The following TMEM117 variants were observed in gnomAD, a reference collection of about 807,000 sequenced individuals.
TMEM117 encodes the protein transmembrane protein 117.
TMEM117 carries 27 observed loss-of-function variants against 52.4 expected under a neutral mutation model. The ratio of observed to expected loss-of-function variants is 0.51; its 90% CI spans 0.38 to 0.71. The LOEUF (loss-of-function observed/expected upper bound fraction) is 0.71, where lower values mean the gene tolerates loss of function less well. Ranked by LOEUF, TMEM117 falls within the 30% of genes least tolerant of loss-of-function variation. TMEM117 has a pLI of 0.00. For missense variants in TMEM117, 556 were observed against 630.5 expected (o/e 0.88, Z 1.26); for synonymous variants, 215 against 206.3 (o/e 1.04, Z -0.36).
At chr12:43,933,002 T>A (rs1222981546) in intron 2 of TMEM117, among the ~76,000 whole-genome samples, 1 of 152,190 alleles carries the variant, frequency 6.6e-6, no homozygotes, top group Non-Finnish European at 1.5e-5. Flanking sequence ...CCCTTGTGAT[T>A]GATCAAGATT....
chr12:44,308,773 C>T (rs749333708), intron 6 of TMEM117, among the ~76,000 whole-genome samples: 3 of 152,276 alleles, frequency 2.0e-5, no homozygotes, highest in Admixed American at 6.5e-5. Flanking sequence ...GCGCCTGCCA[C>T]CGCGCCCGGC....
intron 2 of TMEM117, among the ~76,000 whole-genome samples, chr12:43,890,534 T>C (rs1944083360): frequency 6.6e-6 from 1 of 152,164 alleles, no homozygotes; most frequent in Non-Finnish European, 1.5e-5. Context: ...TTTTTGTTTT[T>C]TTTTGTTTTT....
chr12:44,314,155 C>G, intron 6 of TMEM117, among the ~76,000 whole-genome samples: 1 of 151,952 alleles, frequency 6.6e-6, no homozygotes, highest in Non-Finnish European at 1.5e-5. Context: ...GGGTTGGTAA[C>G]AGGATCCTTG....
chr12:43,986,676 C>T (rs1006109789), intron 3 of TMEM117, among the ~76,000 whole-genome samples: 7 of 152,128 alleles, frequency 4.6e-5, no homozygotes, highest in African/African-American at 1.7e-4. Context: ...TATTACCTCT[C>T]ACTTCTGTAA....
rs1298315260 is a variant in TMEM117, at chr12:43,861,712, C to T, written c.277+16784C>T. Among the ~76,000 whole-genome samples, 7 of 152,138 alleles carry T rather than the reference C, an allele frequency of 4.6e-5. No homozygotes were observed. The South Asian group carries it at 6.2e-4, about 14-fold the overall frequency. ...ATGCAAGAAAGGGTAGTAAAAGAGA[C>T]GTTATACATTCATTCGAGAGATATT... is the stretch of plus-strand genomic sequence containing the variant. On this transcript the variant is annotated intron_variant, in intron 2 of 7. Transcript: ENST00000266534.
chr12:44,004,825 C>T (rs1946168971), intron 3 of TMEM117, among the ~76,000 whole-genome samples: 1 of 152,112 alleles, frequency 6.6e-6, no homozygotes, highest in Admixed American at 6.6e-5. Context: ...GTATACCTAG[C>T]TGAGTTGGGA....
chr12:44,140,362 G>T (rs1268336380), intron 3 of TMEM117, among the ~76,000 whole-genome samples: 2 of 152,044 alleles, frequency 1.3e-5, no homozygotes, highest in African/African-American at 4.8e-5. Context: ...AATGTATGGA[G>T]ATCTACCCAT....
the TMEM117 span, chr12:43,797,404 T>C: frequency 2.6e-5 from 41 of 1,602,356 alleles, no homozygotes; most frequent in Non-Finnish European, 3.5e-5. Flanking sequence ...TTCAGTTCTG[T>C]ATTTGTTGTG....
Position 44,388,743 on chromosome 12 carries a change from T to G in TMEM117, c.*71T>G. On this transcript the variant is annotated 3_prime_UTR_variant, in exon 8 of 8. Transcript: ENST00000266534. The stretch of plus-strand genomic sequence containing the variant: ...TAACTTTAAAAATTTAGTCTTTCCT[T>G]TTGTATATGTAAGGTTTACGTAGTG... The G allele has an allele frequency of 6.5e-7, 1 of 1,527,180 alleles. No individual in the cohort carries two copies. 94.6% of individuals were successfully genotyped at this position (1,527,180 alleles called of 1,614,324 possible).
intron 3 of TMEM117, among the ~76,000 whole-genome samples, chr12:43,979,729 G>A (rs1364747979): frequency 6.6e-6 from 1 of 152,124 alleles, no homozygotes; most frequent in Non-Finnish European, 1.5e-5. Context: ...TGACAAAAAT[G>A]GGTGAATTCC....
chr12:44,272,026 C>G (rs558109694), intron 5 of TMEM117, among the ~76,000 whole-genome samples: 5 of 152,096 alleles, frequency 3.3e-5, no homozygotes, highest in African/African-American at 1.2e-4. Context: ...CAAATAAAAA[C>G]CTTGAGCTAT....
chr12:44,158,267 A>T (rs939169745), intron 4 of TMEM117, among the ~76,000 whole-genome samples: 2 of 152,156 alleles, frequency 1.3e-5, no homozygotes, highest in African/African-American at 4.8e-5. Context: ...TAAAGCTTGG[A>T]GTCAATTCAG....
At chr12:44,095,483 A>C (rs1220700688) in intron 3 of TMEM117, among the ~76,000 whole-genome samples, 3 of 152,118 alleles carry the variant, frequency 2.0e-5, no homozygotes, top group Non-Finnish European at 4.4e-5. Context: ...TAAGTAGCAA[A>C]GTGGGGAAAG....
intron 5 of TMEM117, among the ~76,000 whole-genome samples, chr12:44,223,413 C>T (rs944231194): frequency 1.3e-5 from 2 of 150,198 alleles, no homozygotes; most frequent in African/African-American, 4.9e-5. Context: ...CTCAACCCCC[C>T]AGACCTTACT....
upstream of TMEM117, among the ~76,000 whole-genome samples, chr12:43,833,093 A>G (rs1230393802): frequency 6.6e-6 from 1 of 151,996 alleles, no homozygotes; most frequent in Non-Finnish European, 1.5e-5. Flanking sequence ...CCATTTCAGT[A>G]TTTTGCCTTG....
At chr12:44,072,169 T>C (rs781449540) in intron 3 of TMEM117, among the ~76,000 whole-genome samples, 48 of 152,234 alleles carry the variant, frequency 3.2e-4, no homozygotes, top group Non-Finnish European at 5.4e-4. Flanking sequence ...TGAGGAGATA[T>C]TGAAAAACCA....
intron 3 of TMEM117, among the ~76,000 whole-genome samples, chr12:44,039,807 A>G (rs928035575): frequency 4.6e-5 from 7 of 152,264 alleles, no homozygotes; most frequent in African/African-American, 1.7e-4. Context: ...GTATTTTACT[A>G]CCATAGTTCT....
intron 2 of TMEM117, among the ~76,000 whole-genome samples, chr12:43,856,309 G>T (rs1337692736): frequency 6.6e-6 from 1 of 152,184 alleles, no homozygotes; most frequent in African/African-American, 2.4e-5. Context: ...CAACCAGTCT[G>T]TATGGAGTTC....
intron 4 of TMEM117, among the ~76,000 whole-genome samples, chr12:44,146,351 A>G (rs957752695): frequency 6.6e-5 from 10 of 152,350 alleles, no homozygotes; most frequent in African/African-American, 2.2e-4. Flanking sequence ...TTACTGCTAC[A>G]TCACAGAACT....
Sources: allele counts gnomAD v4.1 joint callset (sites outside exome capture counted in the v4.1 genomes callset), GRCh38; gene constraint gnomAD v4.1.1; transcripts MANE v1.5; gene names NCBI Gene and HGNC (gene_info 2026-07-23, HGNC 2026-07-21).